The following FBN3 variants were observed in gnomAD, a reference collection of about 807,000 sequenced individuals.
The protein encoded by FBN3 is fibrillin 3, also known as fibrillin-3.
FBN3 carries 234 observed loss-of-function variants against 330.1 expected under a neutral mutation model. The ratio of observed to expected loss-of-function variants is 0.71; its 90% CI spans 0.64 to 0.79. The LOEUF (loss-of-function observed/expected upper bound fraction) is 0.79, where lower values mean the gene tolerates loss of function less well. Among genes scored for constraint, FBN3 ranks in the 30% least tolerant of loss-of-function variants. The pLI, the probability that FBN3 is intolerant of heterozygous loss-of-function variation, is 0.00. For missense variants in FBN3, 3,606 were observed against 3,886.9 expected, an observed-to-expected ratio of 0.93 and a Z score of 1.92; for synonymous variants, 1,458 against 1,517.3, an observed-to-expected ratio of 0.96 and a Z score of 0.91.
Position 8,135,827 on chromosome 19 carries a change from G to A in FBN3, c.1591+134C>T, listed in dbSNP as rs899287438. ...TAAGAAGAGTCTCAGGTGGGCTGCT[G>A]GGTTCAGAGGTGAGCAGAGGAGACG... On this transcript the variant is annotated intron_variant, in intron 13 of 63. Coordinates refer to ENST00000600128, the MANE Select transcript of FBN3 (RefSeq NM_032447.5). The A allele has an allele frequency of 3.5e-5, 32 of 926,178 alleles. No homozygotes were observed. In the Admixed American group the frequency reaches 6.0e-4, roughly 17 times the overall value. The allele number at this position is 926,178 out of a possible 1,614,324, so 57.4% of individuals were successfully genotyped here. A position where few individuals can be genotyped will look rare whatever the true frequency, so the allele number is the denominator to read the frequency against.
rs1039144166 is a variant in FBN3 at position 8,129,645 on chromosome 19, C to T, written c.2045-280G>A. ...TCCACCCATGAGATGTCAGTAGCAC[C>T]CACCGCCCCAGTATTACTCCAGACA... On this transcript the variant is annotated intron_variant, in intron 16 of 63. Coordinates refer to ENST00000600128, the MANE Select transcript of FBN3 (RefSeq NM_032447.5). This position sits in a 1 kb window ranked among gnomAD's most constrained non-coding sequence, Gnocchi z 4.5. Among the ~76,000 whole-genome samples the T allele has an allele frequency of 7.9e-5, 12 of 152,108 alleles. No individual in the cohort carries two copies. Among genetic ancestry groups the T allele is most frequent in the Non-Finnish European group, 1.6e-4 (11 of 68,032 alleles).
intron 56 of FBN3, 144 bp from the exon 57 acceptor site, chr19:8,083,516 G>T: frequency 1.1e-6 from 1 of 938,028 alleles, no homozygotes; most frequent in Non-Finnish European, 1.6e-6. Flanking sequence ...CCCAGCCCAC[G>T]TGGACCCCAT....
At chr19:8,072,965 CCGTG>C in intron 62 of FBN3, 94 bp downstream of exon 62, 1 of 628,328 alleles carries the variant, frequency 1.6e-6, no homozygotes, top group Non-Finnish European at 2.4e-6. Context: ...GCACAAAGCC[CCGTG>C]TGTGTGTGTG....
In FBN3 at chr19:8,135,959, A is replaced by T; in HGVS notation, c.1591+2T>A. On this transcript the variant is annotated splice_donor_variant, in intron 13 of 63. Transcript: ENST00000600128. LOFTEE classifies it high-confidence loss of function. ...CTGCCCACCCGCCCACCCCCAACTCACCCACACAGTTCTTGCCGTCAGGGC... is the reference window on the plus strand; with the variant it reads ...CTGCCCACCCGCCCACCCCCAACTCTCCCACACAGTTCTTGCCGTCAGGGC... The T allele has an allele frequency of 1.3e-5, 2 of 157,448 alleles. No individual in the cohort carries two copies. Among genetic ancestry groups the T allele is most frequent in the Non-Finnish European group, 2.3e-5 (2 of 88,130 alleles). 9.8% of individuals were successfully genotyped at this position (157,448 alleles called of 1,614,324 possible).
chr19:8,128,360 T>A (rs1314559798), intron 18 of FBN3, among the ~76,000 whole-genome samples: 1 of 152,120 alleles, frequency 6.6e-6, no homozygotes, highest in Non-Finnish European at 1.5e-5. Context: ...GGTCAGGAGT[T>A]CGAGACCAGC....
At chr19:8,086,561 A>G (rs1157998589) in intron 54 of FBN3, among the ~76,000 whole-genome samples, 1 of 150,152 alleles carries the variant, frequency 6.7e-6, no homozygotes, top group African/African-American at 2.5e-5. Flanking sequence ...GGTTCAAGAA[A>G]TTCTTCTGCC....
At position 8,073,302 on chromosome 19, in the gene FBN3, GGGAGGAAAGGA is replaced by G; in HGVS notation, c.7703-16_7703-6del. 1 of 1,610,442 alleles carries G rather than the reference GGGAGGAAAGGA, an allele frequency of 6.2e-7. No homozygotes were observed. ...ACAGGGCACACTCATTCTCATCTGT[GGGAGGAAAGGA>G]GGAGGAGAGGGAGGACGCAGAGGTG... On this transcript the variant is annotated splice_region_variant and splice_polypyrimidine_tract_variant and intron_variant, in intron 61 of 63. Coordinates refer to ENST00000600128, the MANE Select transcript of FBN3 (RefSeq NM_032447.5).
chr19:8,106,938 T>C (rs1599356771), intron 37 of FBN3, among the ~76,000 whole-genome samples: 1 of 147,064 alleles, frequency 6.8e-6, no homozygotes, highest in East Asian at 2.0e-4. Flanking sequence ...GAATGAGAGA[T>C]AGGTGGGTGG....
chr19:8,067,114 TTTC>T (rs963875832), intron 63 of FBN3, among the ~76,000 whole-genome samples: 3 of 151,544 alleles, frequency 2.0e-5, no homozygotes, highest in Non-Finnish European at 2.9e-5. Context: ...GATTTCTTTG[TTTC>T]TTCTTCTTTT....
intron 23 of FBN3, 63 bp from the exon 24 acceptor site, chr19:8,123,652 C>T: frequency 6.2e-7 from 1 of 1,605,626 alleles, no homozygotes; most frequent in South Asian, 1.1e-5. Flanking sequence ...ACACCAAGCC[C>T]TCCCTGGGTT....
chr19:8,136,622 C>G (rs75309766), intron 10 of FBN3, 91 bp from the exon 11 acceptor site: 15 of 1,543,270 alleles, frequency 9.7e-6, no homozygotes, highest in African/African-American at 9.5e-5. Flanking sequence ...CCAGATACCC[C>G]CTCTAAGGCT....
At chr19:8,147,745 T>G (rs1599462801) in intron 1 of FBN3, 5 of 363,012 alleles carry the variant, frequency 1.4e-5, no homozygotes, top group South Asian at 1.1e-4. Context: ...GAGTGGGAAG[T>G]GGAAGGGAGG....
chr19:8,073,476 A>G (rs2081570588), intron 61 of FBN3, among the ~76,000 whole-genome samples, 179 bp from the exon 62 acceptor site: 1 of 152,152 alleles, frequency 6.6e-6, no homozygotes, highest in Non-Finnish European at 1.5e-5. Context: ...CGCTGCCCCA[A>G]ACCCTGTGGT....
Position 8,087,891 on chromosome 19 carries a change from C to T in FBN3, c.6553G>A (p.Glu2185Lys), listed in dbSNP as rs367815393. ...GGACAGGTGCACAGGTAGGAGCCCT[C>T]GGTATTGTGGCAGCGGAAGGCACAG... The part of the protein sequence containing the change: ...LLCAFRCHNT[E>K]GSYLCTCPAG... Residue 2185 changes from glutamate to lysine, a missense_variant, in exon 53 of 64, where the codon GAG (glutamate) becomes AAG (lysine). Transcript: ENST00000600128. 8 of 1,614,036 alleles carry T rather than the reference C, an allele frequency of 5.0e-6. No individual in the cohort carries two copies. The highest frequency in any genetic ancestry group is 4.4e-5 in the South Asian group (4 of 91,086).
chr19:8,071,958 G>T, intron 63 of FBN3, 90 bp downstream of exon 63: 2 of 1,331,360 alleles, frequency 1.5e-6, no homozygotes, highest in South Asian at 2.8e-5. Flanking sequence ...CCTTCTTGGG[G>T]GGGCTGACAT....
intron 61 of FBN3, among the ~76,000 whole-genome samples, chr19:8,073,583 G>A (rs776304184): frequency 4.2e-4 from 64 of 152,200 alleles, no homozygotes; most frequent in Middle Eastern, 3.2e-3. Flanking sequence ...GACACTTGGG[G>A]CCAGATCATT....
intron 63 of FBN3, among the ~76,000 whole-genome samples, chr19:8,067,860 C>T (rs142928605): frequency 0.031 from 4,674 of 151,948 alleles, 101 homozygotes; most frequent in Middle Eastern, 0.085. Flanking sequence ...CCCAGGAGTT[C>T]GAGACCAGCC....
chr19:8,090,292 G>A, intron 48 of FBN3, 41 bp from the exon 49 acceptor site: 3 of 1,609,558 alleles, frequency 1.9e-6, no homozygotes, highest in Non-Finnish European at 2.5e-6. Flanking sequence ...GAAAGCCGCT[G>A]GCAGTGCCCA....
chr19:8,088,938 T>A (rs536204544), intron 51 of FBN3, among the ~76,000 whole-genome samples: 25 of 148,698 alleles, frequency 1.7e-4, no homozygotes, highest in Non-Finnish European at 2.7e-4. Flanking sequence ...GAGGGAGTGA[T>A]TGAATGAACA....
Sources: allele counts gnomAD v4.1 joint callset (sites outside exome capture counted in the v4.1 genomes callset), GRCh38; gene constraint gnomAD v4.1.1; non-coding constraint Gnocchi (gnomAD v3.1); transcripts MANE v1.5; gene names NCBI Gene and HGNC (gene_info 2026-07-23, HGNC 2026-07-21).